ADGRL3: variants seen among roughly 807,000 people sequenced by gnomAD.
ADGRL3 encodes the protein calcium-independent alpha-latrotoxin receptor 3.
A neutral mutation model predicts 153.5 loss-of-function variants in ADGRL3; 62 were observed. The observed-to-expected ratio is 0.40, with a 90% CI of 0.33 to 0.50. ADGRL3 has a LOEUF of 0.50. ADGRL3 is among the 20% of genes least tolerant of loss of function. The pLI is 0.47. For missense variants in ADGRL3, 1,641 were observed against 1,859.4 expected, an observed-to-expected ratio of 0.88 and a Z score of 2.16; for synonymous variants, 710 against 672.5, an observed-to-expected ratio of 1.06 and a Z score of -0.86.
At chr4:61,987,500 T>G (rs2099089953) in intron 19 of ADGRL3, among the ~76,000 whole-genome samples, 1 of 152,000 alleles carries the variant, frequency 6.6e-6, no homozygotes, top group African/African-American at 2.4e-5. Context: ...TAATATGGCA[T>G]TTCCCACTCC....
chr4:61,397,819 T>A (rs939473927), intron 2 of ADGRL3, among the ~76,000 whole-genome samples: 9 of 151,966 alleles, frequency 5.9e-5, no homozygotes, highest in African/African-American at 2.2e-4. Context: ...GATTTTAAAC[T>A]TTAAATGAAA....
Position 61,892,597 on chromosome 4 carries a change from A to T in ADGRL3, c.1481-59A>T. 4 of 1,219,442 alleles carry T rather than the reference A, an allele frequency of 3.3e-6. No individual in the cohort carries two copies. In the South Asian group the frequency reaches 3.7e-5, roughly 11 times the overall value. 75.5% of individuals were successfully genotyped at this position (1,219,442 alleles called of 1,614,324 possible). A position where few individuals can be genotyped will look rare whatever the true frequency, so the allele number is the denominator to read the frequency against. On this transcript the variant is annotated intron_variant, in intron 9 of 26. Coordinates refer to ENST00000683033, the MANE Select transcript of ADGRL3 (RefSeq NM_001387552.1). ...AAAACAATTTCTAAAGTACTAGGAC[A>T]TCTTGAGGTCCTCCTGTGAACAAGC...
At chr4:62,049,743 T>A (rs1733113573) in intron 25 of ADGRL3, among the ~76,000 whole-genome samples, 1 of 152,126 alleles carries the variant, frequency 6.6e-6, no homozygotes, top group Non-Finnish European at 1.5e-5. Flanking sequence ...TATTTGCAAG[T>A]AGTTGACCTA....
intron 13 of ADGRL3, among the ~76,000 whole-genome samples, chr4:61,928,536 A>G (rs2098804130): frequency 6.6e-6 from 1 of 152,168 alleles, no homozygotes. Context: ...ACAGTGCCTT[A>G]CCTAGGTCTT....
At chr4:61,578,536 A>G (rs1267770312) in intron 4 of ADGRL3, among the ~76,000 whole-genome samples, 2 of 151,980 alleles carry the variant, frequency 1.3e-5, no homozygotes, top group African/African-American at 4.8e-5. Flanking sequence ...TCATTATATT[A>G]TATCATAATC....
At chr4:61,291,304 T>G (rs1217401074) in intron 1 of ADGRL3, among the ~76,000 whole-genome samples, 1 of 149,678 alleles carries the variant, frequency 6.7e-6, no homozygotes, top group Non-Finnish European at 1.5e-5. Flanking sequence ...GAAAAAAAAT[T>G]GAAAATAACT....
intron 1 of ADGRL3, among the ~76,000 whole-genome samples, chr4:61,224,536 T>C (rs974830801): frequency 1.3e-5 from 2 of 152,244 alleles, no homozygotes; most frequent in Admixed American, 6.5e-5. Context: ...GTTGGTCTTA[T>C]ATTTCTTAAG....
At chr4:61,947,355 T>C (rs1239000088) in intron 16 of ADGRL3, among the ~76,000 whole-genome samples, 1 of 152,184 alleles carries the variant, frequency 6.6e-6, no homozygotes, top group African/African-American at 2.4e-5. Context: ...TTATAATTGC[T>C]TCTCCATAAC....
chr4:61,210,222 A>G (rs1040259843), intron 1 of ADGRL3, among the ~76,000 whole-genome samples: 15 of 152,240 alleles, frequency 9.9e-5, no homozygotes, highest in Non-Finnish European at 2.1e-4. Context: ...TGGACTGGAC[A>G]ACTGGCTTGC....
chr4:61,934,849 G>C lies in ADGRL3; in HGVS notation c.2122G>C (p.Glu708Gln). Reference protein sequence around the residue: ...SCRAYVQAMVETVNNLLQPQA... With the variant: ...SCRAYVQAMVQTVNNLLQPQA... ...TTTCATCCTCTTGTAGGCAATGGTC[G>C]AGACAGTTAACAACCTCCTTCAGCC... Residue 708 changes from glutamate (E) to glutamine (Q), a missense_variant, in exon 14 of 27, where the codon GAG (glutamate) becomes CAG (glutamine). By Grantham distance (29) the Glu-to-Gln change is conservative. Coordinates refer to ENST00000683033, the MANE Select transcript of ADGRL3 (RefSeq NM_001387552.1). 1 of 1,613,342 alleles carries C rather than the reference G, an allele frequency of 6.2e-7. No individual in the cohort carries two copies. Among genetic ancestry groups the C allele is most frequent in the Non-Finnish European group, 8.5e-7 (1 of 1,179,628 alleles).
rs919593090 is a variant in ADGRL3 at position 61,746,250 on chromosome 4, T to A, written c.1399+12696T>A. 3.3e-5 allele frequency among the ~76,000 whole-genome samples: 5 copies of A among 152,162 alleles called. No individual in the cohort carries two copies. In the South Asian group the frequency reaches 6.2e-4, roughly 19 times the overall value. ...CAAAGAGACTTATACTCCCACATATTAATAATGGGAGACTTTAACACCCCA... is the reference window on the plus strand; with the variant it reads ...CAAAGAGACTTATACTCCCACATATAAATAATGGGAGACTTTAACACCCCA... On this transcript the variant is annotated intron_variant, in intron 8 of 26. Transcript: ENST00000683033.
At chr4:61,524,035 GTAT>G (rs958387584) in intron 4 of ADGRL3, among the ~76,000 whole-genome samples, 31 of 152,188 alleles carry the variant, frequency 2.0e-4, no homozygotes, top group African/African-American at 7.0e-4. Flanking sequence ...CATGTTCAAA[GTAT>G]TATATGTGTG....
intron 1 of ADGRL3, among the ~76,000 whole-genome samples, chr4:61,324,481 G>A (rs1331650077): frequency 6.6e-6 from 1 of 152,092 alleles, no homozygotes; most frequent in Non-Finnish European, 1.5e-5. Flanking sequence ...ATGTAGTAAG[G>A]TAGATTTGAT....
chr4:61,570,081 A>G (rs768883229), intron 4 of ADGRL3, among the ~76,000 whole-genome samples: 3 of 152,170 alleles, frequency 2.0e-5, no homozygotes, highest in Non-Finnish European at 4.4e-5. Flanking sequence ...TTTTTCATTC[A>G]GGAACTTCAT....
At chr4:61,564,278 GGTTT>G (rs1379326474) in intron 4 of ADGRL3, among the ~76,000 whole-genome samples, 1 of 151,804 alleles carries the variant, frequency 6.6e-6, no homozygotes, top group Non-Finnish European at 1.5e-5. Context: ...TTGGTTGGTT[GGTTT>G]GTTTGTTTTT....
At chr4:62,043,406 T>C (rs1438141941) in intron 24 of ADGRL3, among the ~76,000 whole-genome samples, 1 of 152,082 alleles carries the variant, frequency 6.6e-6, no homozygotes, top group Non-Finnish European at 1.5e-5. Context: ...TTTCTGTCTA[T>C]GTCTGTGTCT....
rs576513068 is a variant in ADGRL3, at chr4:61,689,152, C to T, written c.583+12217C>T. Among the ~76,000 whole-genome samples the T allele has an allele frequency of 2.6e-5, 4 of 152,120 alleles. No individual in the cohort carries two copies. The South Asian group carries it at 6.2e-4, about 24-fold the overall frequency. On this transcript the variant is annotated intron_variant, in intron 6 of 26. Transcript: ENST00000683033. ...TGATATGCTGGTACTGACAATTTCA[C>T]GAATCATATGTCTTTTATTTTCTTA...
chr4:61,244,228 CAGT>C (rs1280753711), intron 1 of ADGRL3, among the ~76,000 whole-genome samples: 1 of 151,938 alleles, frequency 6.6e-6, no homozygotes, highest in Non-Finnish European at 1.5e-5. Context: ...GTAAGAAAAA[CAGT>C]AGAGCAGAGG....
chr4:61,282,590 T>G, intron 1 of ADGRL3, among the ~76,000 whole-genome samples: 1 of 152,024 alleles, frequency 6.6e-6, no homozygotes, highest in East Asian at 1.9e-4. Context: ...GTTTTTTTAG[T>G]CATTTTTTTG....
Sources: allele counts gnomAD v4.1 joint callset (sites outside exome capture counted in the v4.1 genomes callset), GRCh38; gene constraint gnomAD v4.1.1; transcripts MANE v1.5; gene names NCBI Gene and HGNC (gene_info 2026-07-23, HGNC 2026-07-21).